The following TOP2B variants were observed in gnomAD, a reference collection of about 807,000 sequenced individuals.
TOP2B encodes DNA topoisomerase 2-beta.
In TOP2B, 51 loss-of-function variants were observed where a neutral mutation model predicts 193.5. That is an observed-to-expected ratio of 0.26 (90% CI 0.21 to 0.33). TOP2B has a LOEUF of 0.33. Ranked by LOEUF, TOP2B falls within the 10% of genes least tolerant of loss-of-function variation. The probability of loss-of-function intolerance (pLI) is 1.00; values close to 1 mark genes in which losing one functional copy is unlikely to be tolerated. For synonymous variants in TOP2B, 634 were observed against 635.7 expected (o/e 1.00, Z 0.04); for missense variants, 1,378 against 1,909.3 (o/e 0.72, Z 5.19).
At chr3:25,662,775 AG>A (rs1477081157) in intron 1 of TOP2B, among the ~76,000 whole-genome samples, 2 of 152,258 alleles carry the variant, frequency 1.3e-5, no homozygotes, top group Non-Finnish European at 2.9e-5. Flanking sequence ...ATAGAACCAG[AG>A]GTCTTCAGAG....
Position 25,615,100 on chromosome 3 carries a change from T to C in TOP2B, c.3591+105A>G, listed in dbSNP as rs150966325. On this transcript the variant is annotated intron_variant, in intron 27 of 35. Coordinates refer to ENST00000264331, the MANE Select transcript of TOP2B (RefSeq NM_001330700.2). Reference sequence around the variant, plus strand: ...AGCCTAACTCAACTTATAAACATATTAACCTTCACAGAGTTAAAGAAAACT... The same window carrying C: ...AGCCTAACTCAACTTATAAACATATCAACCTTCACAGAGTTAAAGAAAACT... The C allele has an allele frequency of 1.3e-5, 12 of 933,788 alleles. No homozygotes were observed. The South Asian group carries it at 2.1e-4, about 17-fold the overall frequency. 57.8% of individuals were successfully genotyped at this position (933,788 alleles called of 1,614,324 possible). A position where few individuals can be genotyped will look rare whatever the true frequency, so the allele number is the denominator to read the frequency against.
chr3:25,598,403 A>T lies in TOP2B; in HGVS notation c.4785T>A (p.Pro1595=). 6.2e-7 allele frequency: 1 copy of T among 1,613,664 alleles called. No individual in the cohort carries two copies. The highest frequency in any genetic ancestry group is 8.5e-7 in the Non-Finnish European group (1 of 1,179,674). The change falls in exon 36 of 36, where the codon CCT becomes CCA. Residue 1595 remains proline (P), a synonymous_variant. Transcript: ENST00000264331. ...IFPSDFPTEP[P]SLPRTGRARK... is the part of the protein sequence containing the mutation. ...TAGCCCGACCGGTTCGTGGCAGAGA[A>T]GGTGGCTCAGTAGGGAAGTCTGAGG...
chr3:25,598,586 G>C, intron 35 of TOP2B, 109 bp from the exon 36 acceptor site: 1 of 804,802 alleles, frequency 1.2e-6, no homozygotes, highest in South Asian at 3.4e-5. Context: ...TACAAATAAT[G>C]GTGCTTTTAA....
intron 3 of TOP2B, 43 bp from the exon 4 acceptor site, chr3:25,642,428 T>C (rs1703290312): frequency 2.4e-6 from 3 of 1,272,704 alleles, no homozygotes; most frequent in Non-Finnish European, 3.3e-6. Flanking sequence ...CAAAATTATA[T>C]AAATAAATAC....
intron 1 of TOP2B, among the ~76,000 whole-genome samples, chr3:25,658,647 A>G (rs1703819815): frequency 6.6e-6 from 1 of 152,190 alleles, no homozygotes; most frequent in Non-Finnish European, 1.5e-5. Flanking sequence ...AAATAACTAT[A>G]TAGACTATAT....
chr3:25,656,641 G>T (rs1703754161), intron 1 of TOP2B, among the ~76,000 whole-genome samples: 1 of 151,878 alleles, frequency 6.6e-6, no homozygotes, highest in Admixed American at 6.6e-5. Flanking sequence ...TATCAAAATG[G>T]CACTGTTTAG....
chr3:25,617,648 CA>C (rs1345032878), intron 25 of TOP2B, among the ~76,000 whole-genome samples: 1 of 152,112 alleles, frequency 6.6e-6, no homozygotes, highest in Non-Finnish European at 1.5e-5. Context: ...CATATATGCA[CA>C]AAATAATCTA....
rs1702402350 is a variant in TOP2B, at chr3:25,612,561, G to T, written c.3740C>A (p.Thr1247Lys). 6.2e-7 allele frequency: 1 copy of T among 1,612,084 alleles called. No individual in the cohort carries two copies. The highest frequency in any genetic ancestry group is 8.5e-7 in the Non-Finnish European group (1 of 1,179,214). The change falls in exon 28 of 36, where the codon ACA (threonine) becomes AAA (lysine). Residue 1247 changes from threonine to lysine, a missense_variant. Transcript: ENST00000264331. ...TTTGCTGGCATCTGCCTTCATAGCT[G>T]TAATTTCAGGAATTATTCTTCTGCC... ...PYGRRIIPEI[T>K]AMKADASKKL...
At position 25,618,855 on chromosome 3, in the gene TOP2B, C is replaced by A. The variant is rs1412368301; in HGVS notation, c.3064-6G>T. ...CCCATATGATCAAAAAGTACCTAAG[C>A]AAAACACATATACTTTGCAGATCAT... is the stretch of plus-strand genomic sequence containing the variant. On this transcript the variant is annotated splice_polypyrimidine_tract_variant and splice_region_variant and intron_variant, in intron 23 of 35. Coordinates refer to ENST00000264331, the MANE Select transcript of TOP2B (RefSeq NM_001330700.2). The A allele has an allele frequency of 1.0e-5, 16 of 1,590,690 alleles. No individual in the cohort carries two copies. The highest frequency in any genetic ancestry group is 1.7e-4 in the Middle Eastern group (1 of 5,966).
intron 21 of TOP2B, among the ~76,000 whole-genome samples, chr3:25,622,490 T>C (rs1702683830): frequency 6.6e-6 from 1 of 152,142 alleles, no homozygotes; most frequent in Admixed American, 6.5e-5. Context: ...CTATATTTTC[T>C]ACAATAAACA....
intron 1 of TOP2B, among the ~76,000 whole-genome samples, chr3:25,649,522 G>A (rs1160732222): frequency 6.6e-6 from 1 of 151,604 alleles, no homozygotes; most frequent in African/African-American, 2.4e-5. Flanking sequence ...CAATTACAAA[G>A]GAGCTTCTGT....
intron 1 of TOP2B, among the ~76,000 whole-genome samples, chr3:25,656,454 A>G (rs893879642): frequency 5.1e-4 from 77 of 152,224 alleles, no homozygotes; most frequent in African/African-American, 1.7e-3. Flanking sequence ...TAAATAAATA[A>G]ATAGATAAAA....
chr3:25,635,864 A>C (rs1198442154), intron 7 of TOP2B, 72 bp downstream of exon 7: 1 of 1,321,764 alleles, frequency 7.6e-7, no homozygotes, highest in African/African-American at 1.5e-5. Context: ...GATGAGCTTT[A>C]AAAAAGGAAG....
chr3:25,658,999 C>G (rs562835025), intron 1 of TOP2B, among the ~76,000 whole-genome samples: 19 of 152,292 alleles, frequency 1.2e-4, no homozygotes, highest in Admixed American at 1.0e-3. Context: ...AAGAACTGAG[C>G]CACTCATTCA....
At chr3:25,606,351 C>G (rs1300922329) in intron 31 of TOP2B, among the ~76,000 whole-genome samples, 1 of 152,046 alleles carries the variant, frequency 6.6e-6, no homozygotes, top group Non-Finnish European at 1.5e-5. Context: ...CGTATGCACA[C>G]AGACACCATA....
At chr3:25,599,290 ATTTC>A (rs1424075172) in intron 35 of TOP2B, 141 bp downstream of exon 35, 4 of 671,370 alleles carry the variant, frequency 6.0e-6, no homozygotes, top group Non-Finnish European at 7.5e-6. Flanking sequence ...TACTTGAATA[ATTTC>A]TTAACCAAAT....
At chr3:25,633,343 T>C (rs917360686) in intron 8 of TOP2B, among the ~76,000 whole-genome samples, 77 of 152,110 alleles carry the variant, frequency 5.1e-4, no homozygotes, top group Admixed American at 4.3e-3. Context: ...ATGGAAGAGA[T>C]GCATAGGGCA....
intron 10 of TOP2B, among the ~76,000 whole-genome samples, chr3:25,631,314 A>G (rs1251279800): frequency 6.6e-6 from 1 of 152,104 alleles, no homozygotes; most frequent in Non-Finnish European, 1.5e-5. Context: ...GATATCCTTC[A>G]ATACAAAACG....
At chr3:25,651,398 G>A (rs1186494131) in intron 1 of TOP2B, among the ~76,000 whole-genome samples, 2 of 149,628 alleles carry the variant, frequency 1.3e-5, no homozygotes, top group Admixed American at 1.3e-4. Context: ...GAAAATATCT[G>A]TAGAATATAC....
Sources: allele counts gnomAD v4.1 joint callset (sites outside exome capture counted in the v4.1 genomes callset), GRCh38; gene constraint gnomAD v4.1.1; transcripts MANE v1.5; gene names NCBI Gene and HGNC (gene_info 2026-07-23, HGNC 2026-07-21).